The following SAMMSON variants were observed in gnomAD, a reference collection of about 807,000 sequenced individuals.
SAMMSON encodes survival associated mitochondrial melanoma specific oncogenic non-coding RNA.
chr3:70,276,424 A>G (rs1426981219), intron 6 of SAMMSON, among the ~76,000 whole-genome samples: 2 of 152,198 alleles, frequency 1.3e-5, no homozygotes, highest in African/African-American at 4.8e-5. Context: ...ACAAATACCC[A>G]TAACAAATCT....
chr3:70,016,335 T>C lies in SAMMSON; in HGVS notation n.417+2663T>C, dbSNP rs577369334. Among the ~76,000 whole-genome samples, 5 of 152,296 alleles carry C rather than the reference T, an allele frequency of 3.3e-5. No homozygotes were observed. The South Asian group carries it at 1.0e-3, about 32-fold the overall frequency. ...GCCAGTGATGATGAGCATTTTTTCA[T>C]GTGTCTGTTGTCTGTATAAATGTCT... On this transcript the variant is annotated intron_variant and non_coding_transcript_variant, in intron 3 of 9. Coordinates refer to ENST00000642114, the Ensembl canonical transcript of SAMMSON.
intron 3 of SAMMSON, among the ~76,000 whole-genome samples, chr3:70,037,190 A>G (rs1482689827): frequency 6.6e-6 from 1 of 151,802 alleles, no homozygotes; most frequent in Non-Finnish European, 1.5e-5. Flanking sequence ...TCCTTAAGGG[A>G]ACAGCAAACC....
chr3:70,307,942 A>T (rs1702418004), intron 7 of SAMMSON, among the ~76,000 whole-genome samples: 1 of 152,206 alleles, frequency 6.6e-6, no homozygotes, highest in Non-Finnish European at 1.5e-5. Flanking sequence ...TGCTCCCTGC[A>T]TCACCTCCTT....
chr3:70,175,383 C>T (rs1461028735), intron 4 of SAMMSON, among the ~76,000 whole-genome samples: 1 of 152,006 alleles, frequency 6.6e-6, no homozygotes, highest in Non-Finnish European at 1.5e-5. Context: ...AAATGCCTTC[C>T]ACTGACTGGT....
At chr3:70,267,064 A>T (rs1030615622) in intron 6 of SAMMSON, among the ~76,000 whole-genome samples, 1 of 152,144 alleles carries the variant, frequency 6.6e-6, no homozygotes, top group African/African-American at 2.4e-5. Context: ...TGTCGTGCCA[A>T]TGAATGAAGT....
At chr3:70,402,086 T>C (rs1701145447) in intron 2 of SAMMSON, among the ~76,000 whole-genome samples, 1 of 152,198 alleles carries the variant, frequency 6.6e-6, no homozygotes, top group Non-Finnish European at 1.5e-5. Context: ...TCTTTCAGTA[T>C]TGTCCATAGT....
At chr3:70,152,743 A>C (rs920818790) in intron 4 of SAMMSON, among the ~76,000 whole-genome samples, 3 of 152,048 alleles carry the variant, frequency 2.0e-5, no homozygotes, top group African/African-American at 7.2e-5. Flanking sequence ...AAATACCCTT[A>C]GGGGAACCAC....
intron 6 of SAMMSON, among the ~76,000 whole-genome samples, chr3:70,275,743 A>G (rs1192941501): frequency 6.6e-6 from 1 of 152,230 alleles, no homozygotes; most frequent in Non-Finnish European, 1.5e-5. Flanking sequence ...GTACAATTAA[A>G]TAAGTTATGA....
At chr3:70,030,873 A>G (rs2067063071) in intron 3 of SAMMSON, 1 of 152,190 alleles carries the variant, frequency 6.6e-6, no homozygotes, top group Non-Finnish European at 1.5e-5. Context: ...TATGTTGGCT[A>G]TTATTTTTTA....
intron 6 of SAMMSON, among the ~76,000 whole-genome samples, chr3:70,274,893 T>A (rs1702007854): frequency 6.6e-6 from 1 of 152,226 alleles, no homozygotes. Flanking sequence ...AACTCTGGGA[T>A]TTGCTCTGTT....
In SAMMSON at chr3:70,095,524, C is replaced by T. The variant is rs956952213; in HGVS notation, n.507+23959C>T. On this transcript the variant is annotated intron_variant and non_coding_transcript_variant, in intron 4 of 9. Transcript: ENST00000642114. Reference sequence around the variant, plus strand: ...ATCACATACTTTTCTTTGTAGGACTCGTCGTGTTATATATTTCACATTTGT... The same window carrying T: ...ATCACATACTTTTCTTTGTAGGACTTGTCGTGTTATATATTTCACATTTGT... Among the ~76,000 whole-genome samples, 7 of 152,192 alleles carry T rather than the reference C, an allele frequency of 4.6e-5. No individual in the cohort carries two copies. In the East Asian group the frequency reaches 1.2e-3, roughly 25 times the overall value.
intron 6 of SAMMSON, among the ~76,000 whole-genome samples, chr3:70,290,736 A>T (rs1702228716): frequency 1.3e-5 from 2 of 151,984 alleles, no homozygotes; most frequent in Non-Finnish European, 2.9e-5. Context: ...GGACCCTCCG[A>T]GCCAGGTGCA....
chr3:70,337,072 TAAC>T, intron 7 of SAMMSON, among the ~76,000 whole-genome samples: 2 of 80,838 alleles, frequency 2.5e-5, no homozygotes, highest in African/African-American at 7.0e-5. Context: ...TAATAATATC[TAAC>T]TTAATATTCT....
At chr3:70,112,224 C>T (rs556605268) in intron 4 of SAMMSON, among the ~76,000 whole-genome samples, 1 of 152,196 alleles carries the variant, frequency 6.6e-6, no homozygotes, top group Non-Finnish European at 1.5e-5. Context: ...GCAGTAATTC[C>T]TCCAAGAGTA....
chr3:70,279,476 AC>A (rs1379542168), intron 6 of SAMMSON, among the ~76,000 whole-genome samples: 17 of 152,042 alleles, frequency 1.1e-4, no homozygotes, highest in African/African-American at 4.1e-4. Context: ...CATCCCCTGT[AC>A]CACACACAAA....
At chr3:70,328,032 G>T (rs947790860) in intron 7 of SAMMSON, among the ~76,000 whole-genome samples, 5 of 152,188 alleles carry the variant, frequency 3.3e-5, no homozygotes, top group Admixed American at 1.3e-4. Context: ...GTGGTGGAAG[G>T]TGAAAGGCAC....
chr3:70,383,686 G>A (rs886701878), intron 9 of SAMMSON, among the ~76,000 whole-genome samples: 37 of 152,102 alleles, frequency 2.4e-4, no homozygotes, highest in African/African-American at 8.7e-4. Flanking sequence ...TGGTGCCACT[G>A]CAAAGCTAGC....
chr3:70,198,939 A>G (rs1701208139), intron 4 of SAMMSON, among the ~76,000 whole-genome samples: 1 of 152,194 alleles, frequency 6.6e-6, no homozygotes, highest in Admixed American at 6.5e-5. Flanking sequence ...GAAAAGGAAA[A>G]GATGGTCAAA....
At chr3:70,395,649 C>T (rs901576640) in intron 2 of SAMMSON, among the ~76,000 whole-genome samples, 2 of 152,080 alleles carry the variant, frequency 1.3e-5, no homozygotes, top group African/African-American at 4.8e-5. Context: ...CCTGGCAAAG[C>T]AGCTACTGGT....
Sources: allele counts gnomAD v4.1 joint callset (sites outside exome capture counted in the v4.1 genomes callset), GRCh38; gene constraint gnomAD v4.1.1; transcripts MANE v1.5; gene names NCBI Gene and HGNC (gene_info 2026-07-23, HGNC 2026-07-21).